CDIN1: variants seen among roughly 807,000 people sequenced by gnomAD.
CDIN1 encodes the protein CDAN1-interacting nuclease 1.
CDIN1 carries 33 observed loss-of-function variants against 45.3 expected under a neutral mutation model. That is an observed-to-expected ratio of 0.73 (90% CI 0.55 to 0.97). The LOEUF (loss-of-function observed/expected upper bound fraction) is 0.97. CDIN1 is among the 50% of genes least tolerant of loss of function. The pLI is 0.00. For missense variants in CDIN1, 303 were observed against 339.4 expected (o/e 0.89, Z 0.84); for synonymous variants, 118 against 124.4 (o/e 0.95, Z 0.34).
At chr15:36,694,646 A>C (rs900577899) in intron 7 of CDIN1, among the ~76,000 whole-genome samples, 1 of 152,094 alleles carries the variant, frequency 6.6e-6, no homozygotes, top group Non-Finnish European at 1.5e-5. Context: ...ACCACAGCTT[A>C]TACTCACCAA....
chr15:36,640,965 A>G (rs1324553432), intron 1 of CDIN1, among the ~76,000 whole-genome samples: 7 of 152,220 alleles, frequency 4.6e-5, no homozygotes, highest in Non-Finnish European at 8.8e-5. Flanking sequence ...TGGGAAAATC[A>G]CACACCAGTT....
rs376382542 is a variant in CDIN1 at position 36,675,954 on chromosome 15, T to C, written c.347-15731T>C. On this transcript the variant is annotated intron_variant, in intron 5 of 10. Transcript: ENST00000566621. ...TTTGACACATAGAATTTTGACTTTT[T>C]TTTTGGTACCTAATAAAGTGCAAGA... Among the ~76,000 whole-genome samples, 4 of 152,252 alleles carry C rather than the reference T, an allele frequency of 2.6e-5. No homozygotes were observed. The East Asian group carries it at 7.7e-4, about 29-fold the overall frequency.
chr15:36,795,395 C>A (rs551940878), intron 10 of CDIN1, among the ~76,000 whole-genome samples: 1 of 152,196 alleles, frequency 6.6e-6, no homozygotes, highest in East Asian at 1.9e-4. Flanking sequence ...TATAAATACA[C>A]AAAATTTTAT....
intron 10 of CDIN1, among the ~76,000 whole-genome samples, chr15:36,805,088 C>A (rs1279506852): frequency 1.3e-5 from 2 of 151,880 alleles, no homozygotes; most frequent in African/African-American, 4.8e-5. Flanking sequence ...TTTTTCAAGG[C>A]GTATTTGTTG....
At chr15:36,621,225 C>T (rs2039171841) in intron 1 of CDIN1, among the ~76,000 whole-genome samples, 1 of 152,156 alleles carries the variant, frequency 6.6e-6, no homozygotes, top group African/African-American at 2.4e-5. Context: ...ACCATTGTGA[C>T]ATAGCGTAAG....
intron 10 of CDIN1, among the ~76,000 whole-genome samples, chr15:36,745,272 G>A (rs1352664693): frequency 1.3e-5 from 2 of 152,022 alleles, no homozygotes; most frequent in African/African-American, 2.4e-5. Flanking sequence ...TAATAAATTT[G>A]TCATTATTTT....
chr15:36,619,641 AAAC>A (rs911704723), intron 1 of CDIN1, among the ~76,000 whole-genome samples: 3 of 152,168 alleles, frequency 2.0e-5, no homozygotes, highest in South Asian at 2.1e-4. Flanking sequence ...GGAAAAAAAA[AAAC>A]AACATTATAC....
chr15:36,628,816 A>G (rs2039559784), intron 1 of CDIN1, among the ~76,000 whole-genome samples: 2 of 152,222 alleles, frequency 1.3e-5, no homozygotes, highest in South Asian at 4.1e-4. Flanking sequence ...GAGTCTTTGC[A>G]GATGTAATTA....
At chr15:36,604,417 G>GCACACA (rs2038257135) in intron 1 of CDIN1, among the ~76,000 whole-genome samples, 2 of 15,898 alleles carry the variant, frequency 1.3e-4, no homozygotes, top group African/African-American at 5.1e-4. Flanking sequence ...CTTTTAAAAG[G>GCACACA]TACACACACA....
At chr15:36,768,989 T>TA (rs201935570) in intron 10 of CDIN1, among the ~76,000 whole-genome samples, 24 of 151,574 alleles carry the variant, frequency 1.6e-4, no homozygotes, top group East Asian at 5.8e-4. Flanking sequence ...AGATCTGTTA[T>TA]AAAAAAAAAT....
At chr15:36,587,287 G>T (rs564063422) in intron 1 of CDIN1, among the ~76,000 whole-genome samples, 39 of 152,228 alleles carry the variant, frequency 2.6e-4, no homozygotes, top group African/African-American at 8.4e-4. Context: ...CTCATATGAG[G>T]TGCTTTAAAT....
chr15:36,619,856 C>T (rs1385615311), intron 1 of CDIN1, among the ~76,000 whole-genome samples: 1 of 151,754 alleles, frequency 6.6e-6, no homozygotes, highest in Admixed American at 6.6e-5. Context: ...GCGATTGAAG[C>T]AAAATCTGTT....
At chr15:36,621,872 G>T (rs2039209384) in intron 1 of CDIN1, among the ~76,000 whole-genome samples, 3 of 142,396 alleles carry the variant, frequency 2.1e-5, no homozygotes, top group African/African-American at 5.2e-5. Flanking sequence ...AACAAGTTCA[G>T]TTTTTTTTTT....
chr15:36,658,786 T>A (rs560479056), intron 5 of CDIN1, among the ~76,000 whole-genome samples: 10 of 152,312 alleles, frequency 6.6e-5, no homozygotes. Context: ...GTTGGATTTT[T>A]ATTTTTTTAT....
intron 5 of CDIN1, among the ~76,000 whole-genome samples, chr15:36,662,199 G>A (rs1187625537): frequency 6.6e-6 from 1 of 152,136 alleles, no homozygotes; most frequent in African/African-American, 2.4e-5. Flanking sequence ...GAGGTTAATA[G>A]TCACATCATT....
intron 10 of CDIN1, chr15:36,734,244 T>C (rs2043934279): frequency 4.0e-6 from 1 of 247,052 alleles, no homozygotes; most frequent in East Asian, 9.7e-5. Context: ...AATTAAAGTT[T>C]AAAATGATCA....
At chr15:36,791,540 A>G (rs547867637) in intron 10 of CDIN1, among the ~76,000 whole-genome samples, 2 of 152,310 alleles carry the variant, frequency 1.3e-5, no homozygotes, top group East Asian at 3.9e-4. Flanking sequence ...GGATTTTATT[A>G]TACCATATAT....
At chr15:36,709,146 A>C (rs2042967461) in intron 8 of CDIN1, 77 bp from the exon 9 acceptor site, 7 of 1,236,526 alleles carry the variant, frequency 5.7e-6, no homozygotes, top group Non-Finnish European at 7.7e-6. Context: ...ATACATATTT[A>C]AGAAATAAAA....
At chr15:36,733,720 A>G (rs189535299) in intron 10 of CDIN1, among the ~76,000 whole-genome samples, 227 of 152,256 alleles carry the variant, frequency 1.5e-3, no homozygotes, top group Non-Finnish European at 2.4e-3. Context: ...TGTAACAACT[A>G]TGAGGAAATG....
Sources: allele counts gnomAD v4.1 joint callset (sites outside exome capture counted in the v4.1 genomes callset), GRCh38; gene constraint gnomAD v4.1.1; transcripts MANE v1.5; gene names NCBI Gene and HGNC (gene_info 2026-07-23, HGNC 2026-07-21).